The following MTA3 variants were observed in gnomAD, a reference collection of about 807,000 sequenced individuals.
MTA3 encodes the protein metastasis-associated protein MTA3.
Under a neutral mutation model 83.5 loss-of-function variants are expected in MTA3, and 34 were observed. That is an observed-to-expected ratio of 0.41 (90% CI 0.31 to 0.54). The LOEUF (loss-of-function observed/expected upper bound fraction) is 0.54, where lower values mean the gene tolerates loss of function less well. MTA3 is among the 20% of genes least tolerant of loss of function. The pLI, the probability that MTA3 is intolerant of heterozygous loss-of-function variation, is 0.33. For missense variants in MTA3, 761 were observed against 726.4 expected (o/e 1.05, Z -0.55); for synonymous variants, 303 against 252.7 (o/e 1.20, Z -1.89).
intron 2 of MTA3, among the ~76,000 whole-genome samples, chr2:42,578,073 A>G (rs1365666710): frequency 6.6e-6 from 1 of 152,240 alleles, no homozygotes; most frequent in Non-Finnish European, 1.5e-5. Flanking sequence ...TTCTTAATCT[A>G]AAATACGGCT....
chr2:42,628,714 A>T (rs1686371393), intron 4 of MTA3, among the ~76,000 whole-genome samples: 1 of 150,634 alleles, frequency 6.6e-6, no homozygotes, highest in Admixed American at 6.6e-5. Context: ...TCTGGGATTT[A>T]TCTCTTCTTG....
intron 15 of MTA3, 76 bp downstream of exon 15, chr2:42,719,150 A>G (rs1667233651): frequency 1.5e-5 from 16 of 1,038,556 alleles, no homozygotes; most frequent in Non-Finnish European, 2.3e-5. Flanking sequence ...TTCTAAATGG[A>G]CATACCTAAA....
chr2:42,607,990 T>C (rs1278491678), intron 3 of MTA3, among the ~76,000 whole-genome samples: 1 of 152,216 alleles, frequency 6.6e-6, no homozygotes, highest in Admixed American at 6.5e-5. Flanking sequence ...ATTTGAAATT[T>C]AACTGGTAAA....
At chr2:42,747,594 C>T (rs1288027787) in intron 16 of MTA3, among the ~76,000 whole-genome samples, 1 of 151,426 alleles carries the variant, frequency 6.6e-6, no homozygotes, top group Non-Finnish European at 1.5e-5. Context: ...ATAACAAGCG[C>T]AATGGAAGTT....
intron 2 of MTA3, among the ~76,000 whole-genome samples, chr2:42,521,751 C>CTTT (rs35664371): frequency 0.31 from 32,378 of 105,996 alleles, 4,674 homozygotes; most frequent in South Asian, 0.38. Context: ...ATCTTTCTCT[C>CTTT]TTTTTTTTTT....
chr2:42,578,780 G>A (rs191383385), intron 2 of MTA3, among the ~76,000 whole-genome samples: 50 of 152,214 alleles, frequency 3.3e-4, no homozygotes, highest in Non-Finnish European at 1.5e-5. Context: ...TTTTTTTAAG[G>A]CTAGTTAATT....
In MTA3 at chr2:42,708,866, T is replaced by A. The variant is rs746933824; in HGVS notation, c.1303-8T>A. On this transcript the variant is annotated splice_polypyrimidine_tract_variant and splice_region_variant and intron_variant, in intron 13 of 16. Transcript: ENST00000405094. ...TCCTTGAGTGTTTGTTGTTTTCTGA[T>A]TTTGCAGGACCCTCGTGTTAGAAGT... 3 of 1,613,352 alleles carry A rather than the reference T, an allele frequency of 1.9e-6. No individual in the cohort carries two copies. Among genetic ancestry groups the A allele is most frequent in the Non-Finnish European group, 2.5e-6 (3 of 1,179,636 alleles).
intron 4 of MTA3, among the ~76,000 whole-genome samples, chr2:42,616,176 C>A (rs894546795): frequency 6.6e-6 from 1 of 152,140 alleles, no homozygotes; most frequent in Non-Finnish European, 1.5e-5. Context: ...TCTCCCACCT[C>A]AGCCTCCCGA....
chr2:42,742,817 C>T (rs1296621122), intron 16 of MTA3, among the ~76,000 whole-genome samples: 15 of 152,090 alleles, frequency 9.9e-5, no homozygotes, highest in Admixed American at 9.2e-4. Context: ...TATTTCAGTA[C>T]CTTCCTTATA....
intron 6 of MTA3, among the ~76,000 whole-genome samples, chr2:42,647,178 A>C (rs1288618326): frequency 2.6e-5 from 4 of 151,596 alleles, no homozygotes; most frequent in Non-Finnish European, 5.9e-5. Flanking sequence ...CAAAAAAGAA[A>C]GGAAGTCTAC....
chr2:42,671,172 C>T (rs1317768540), intron 8 of MTA3, among the ~76,000 whole-genome samples: 1 of 152,074 alleles, frequency 6.6e-6, no homozygotes, highest in African/African-American at 2.4e-5. Flanking sequence ...TGGTTATAAT[C>T]TGATTTATAA....
chr2:42,688,009 G>C (rs1298199866), intron 9 of MTA3, among the ~76,000 whole-genome samples: 3 of 152,204 alleles, frequency 2.0e-5, no homozygotes, highest in African/African-American at 7.2e-5. Context: ...ATCCTTGTAG[G>C]CTCCAGCTCA....
intron 5 of MTA3, among the ~76,000 whole-genome samples, chr2:42,642,375 G>A (rs1482644511): frequency 1.3e-5 from 2 of 151,984 alleles, no homozygotes; most frequent in African/African-American, 4.8e-5. Flanking sequence ...TCTGATGGTG[G>A]CTTCATGTGG....
At chr2:42,579,427 A>AT (rs1276807974) in intron 3 of MTA3, among the ~76,000 whole-genome samples, 937 of 66,862 alleles carry the variant, frequency 0.014, 8 homozygotes, top group African/African-American at 0.045. Flanking sequence ...ATATATATAT[A>AT]TATTTTTTTT....
At chr2:42,503,315 C>T (rs953620657) in intron 2 of MTA3, among the ~76,000 whole-genome samples, 5 of 152,170 alleles carry the variant, frequency 3.3e-5, no homozygotes, top group Admixed American at 6.5e-5. Flanking sequence ...GCACTGAGGA[C>T]GACCAGAGGT....
At position 42,752,321 on chromosome 2, in the gene MTA3, G is replaced by T. The variant is rs111961061; in HGVS notation, c.1760-1053G>T. 907 of 469,774 alleles carry T rather than the reference G, an allele frequency of 1.9e-3. 9 individuals are homozygous for T. The highest frequency in any genetic ancestry group is 0.015 in the African/African-American group (770 of 50,180). The allele number at this position is 469,774 out of a possible 1,614,324, so 29.1% of individuals were successfully genotyped here. A position where few individuals can be genotyped will look rare whatever the true frequency, so the allele number is the denominator to read the frequency against. On this transcript the variant is annotated intron_variant, in intron 16 of 16. Coordinates refer to ENST00000405094, the MANE Select transcript of MTA3 (RefSeq NM_001330442.2). ...GAGGCTGTGAAGGTGAGCATTGCTGGGTCCTTTCCTGGCAGCAGGGTGATG... is the reference window on the plus strand; with the variant it reads ...GAGGCTGTGAAGGTGAGCATTGCTGTGTCCTTTCCTGGCAGCAGGGTGATG...
chr2:42,676,986 A>G (rs1027030019), intron 8 of MTA3, among the ~76,000 whole-genome samples: 2 of 152,194 alleles, frequency 1.3e-5, no homozygotes, highest in African/African-American at 2.4e-5. Context: ...TTCTTTTCCA[A>G]GAGAAGATAT....
chr2:42,608,211 A>C (rs1427789427), intron 3 of MTA3, among the ~76,000 whole-genome samples: 1 of 152,230 alleles, frequency 6.6e-6, no homozygotes. Flanking sequence ...GCTGTGTCTT[A>C]TACAACAACA....
At chr2:42,583,459 T>G (rs531722663) in intron 3 of MTA3, among the ~76,000 whole-genome samples, 1 of 152,312 alleles carries the variant, frequency 6.6e-6, no homozygotes, top group African/African-American at 2.4e-5. Context: ...AGTTCAAAAC[T>G]GGAGTCCTGA....
Sources: gnomAD v4.1 joint callset for allele counts (sites outside exome capture counted in the v4.1 genomes callset) on GRCh38, gnomAD v4.1.1 for gene constraint, MANE v1.5 for transcripts, NCBI Gene and HGNC (gene_info 2026-07-23, HGNC 2026-07-21) for gene names.